MAN1C1: variants seen among roughly 807,000 people sequenced by gnomAD.
The protein encoded by MAN1C1 is mannosidase alpha class 1C member 1, also known as mannosyl-oligosaccharide 1,2-alpha-mannosidase IC.
MAN1C1 carries 49 observed loss-of-function variants against 71.5 expected under a neutral mutation model. The ratio of observed to expected loss-of-function variants is 0.69; its 90% confidence interval spans 0.54 to 0.87. The LOEUF (loss-of-function observed/expected upper bound fraction) is 0.87. Among genes scored for constraint, MAN1C1 ranks in the 40% least tolerant of loss-of-function variants. The pLI is 0.00. For synonymous variants in MAN1C1, 352 were observed against 343.7 expected (o/e 1.02, Z -0.27); for missense variants, 743 against 835.0 (o/e 0.89, Z 1.36).
At chr1:25,645,715 T>C (rs570557961) in intron 1 of MAN1C1, 10 of 152,232 alleles carry the variant, frequency 6.6e-5, no homozygotes, top group Non-Finnish European at 1.3e-4. Flanking sequence ...GCAAAGTTCC[T>C]GCTGAAACTG....
chr1:25,759,112 C>T (rs2047328068), intron 6 of MAN1C1: 1 of 204,144 alleles, frequency 4.9e-6, no homozygotes, highest in Non-Finnish European at 1.0e-5. Context: ...TTAGCTTTTC[C>T]ATGTGAGATC....
At chr1:25,737,287 C>T (rs1319800143) in intron 2 of MAN1C1, among the ~76,000 whole-genome samples, 1 of 152,254 alleles carries the variant, frequency 6.6e-6, no homozygotes, top group African/African-American at 2.4e-5. Context: ...CAGCCATTGG[C>T]TGCAGTAATC....
Position 25,782,342 on chromosome 1 carries a change from C to T in MAN1C1, c.1651-243C>T, listed in dbSNP as rs982227616. Among the ~76,000 whole-genome samples the T allele has an allele frequency of 6.6e-6, 1 of 152,124 alleles. No homozygotes were observed. Among genetic ancestry groups the T allele is most frequent in the Non-Finnish European group, 1.5e-5 (1 of 68,022 alleles). ...GAAGAGCTCAGGACAGGCAGCCCAT[C>T]GGGCCAGAGCTCTCAGAGGTGTGGG... On this transcript the variant is annotated intron_variant, in intron 10 of 11. Transcript: ENST00000374332. The surrounding 1 kb of genome is among the most constrained non-coding windows in gnomAD (Gnocchi z 4.4).
rs145344111 is a variant in MAN1C1 at position 25,717,029 on chromosome 1, G to A, written c.638-29639G>A. Among the ~76,000 whole-genome samples, 20 of 152,210 alleles carry A rather than the reference G, an allele frequency of 1.3e-4. No homozygotes were observed. The East Asian group carries it at 2.3e-3, about 18-fold the overall frequency. On this transcript the variant is annotated intron_variant, in intron 2 of 11. Transcript: ENST00000374332. The stretch of plus-strand genomic sequence containing the variant: ...CCTGTGTATTGTCGAGTAGTATTCC[G>A]TCATATGGATATGCTATGGTTTATT...
chr1:25,707,378 G>T (rs2046538561), intron 2 of MAN1C1, among the ~76,000 whole-genome samples: 1 of 152,230 alleles, frequency 6.6e-6, no homozygotes, highest in African/African-American at 2.4e-5. Flanking sequence ...AGGGAGGAAG[G>T]CAATCAATAC....
chr1:25,750,588 A>G (rs2047200876), intron 4 of MAN1C1, among the ~76,000 whole-genome samples: 1 of 152,232 alleles, frequency 6.6e-6, no homozygotes, highest in African/African-American at 2.4e-5. Flanking sequence ...GCTGAAGTCA[A>G]GGGTTTCGAA....
At chr1:25,783,131 C>CTGTT (rs1277970957) in intron 11 of MAN1C1, among the ~76,000 whole-genome samples, 2 of 152,198 alleles carry the variant, frequency 1.3e-5, no homozygotes, top group Non-Finnish European at 2.9e-5. Flanking sequence ...GGCCATCCCA[C>CTGTT]TTCCTCACTG....
rs747821717 is a variant in MAN1C1 at position 25,746,775 on chromosome 1, C to G, written c.745C>G (p.Leu249Val). 1.8e-5 allele frequency: 28 copies of G among 1,586,978 alleles called. No homozygotes were observed. Among genetic ancestry groups the G allele is most frequent in the Non-Finnish European group, 2.2e-5 (26 of 1,161,042 alleles). ...AKAWVGESFH[L>V]NVSGEASLFE... Reference sequence around the variant, plus strand: ...GGCCTGGGTGGGAGAGAGCTTCCACCTGAACGTGGTGAGTCAGAGGCCCTC... The same window carrying G: ...GGCCTGGGTGGGAGAGAGCTTCCACGTGAACGTGGTGAGTCAGAGGCCCTC... Residue 249 changes from leucine (L) to valine (V), a missense_variant, in exon 3 of 12, where the codon CTG becomes GTG. Coordinates refer to ENST00000374332, the MANE Select transcript of MAN1C1 (RefSeq NM_020379.4). The surrounding 1 kb of genome is among the most constrained non-coding windows in gnomAD (Gnocchi z 4.0).
Position 25,746,648 on chromosome 1 carries a change from T to C in MAN1C1, c.638-20T>C. The C allele has an allele frequency of 3.2e-6, 5 of 1,577,578 alleles. No individual in the cohort carries two copies. The highest frequency in any genetic ancestry group is 4.4e-6 in the Non-Finnish European group (5 of 1,147,550). On this transcript the variant is annotated intron_variant, in intron 2 of 11. Transcript: ENST00000374332. This position sits in a 1 kb window ranked among gnomAD's most constrained non-coding sequence, Gnocchi z 4.0. ...AGAAAGATGGCCCTGGGTCACACCC[T>C]CAATGCTCTGTGCCTGCAGGAGGCC...
Position 25,778,028 on chromosome 1 carries a change from C to A in MAN1C1, c.1258-77C>A. 2 of 1,163,822 alleles carry A rather than the reference C, an allele frequency of 1.7e-6. No individual in the cohort carries two copies. The highest frequency in any genetic ancestry group is 1.6e-5 in the South Asian group (1 of 62,910). 72.1% of individuals were successfully genotyped at this position (1,163,822 alleles called of 1,614,324 possible). A position where few individuals can be genotyped will look rare whatever the true frequency, so the allele number is the denominator to read the frequency against. On this transcript the variant is annotated intron_variant, in intron 8 of 11. Coordinates refer to ENST00000374332, the MANE Select transcript of MAN1C1 (RefSeq NM_020379.4). This position sits in a 1 kb window ranked among gnomAD's most constrained non-coding sequence, Gnocchi z 5.5. ...CCCTTGCTACTGTCTCCAAAATGTT[C>A]ATTTTCCATCCTTTCCCCCCCTTCT...
At chr1:25,641,708 C>A (rs987077960) in intron 1 of MAN1C1, among the ~76,000 whole-genome samples, 1 of 152,166 alleles carries the variant, frequency 6.6e-6, no homozygotes, top group Non-Finnish European at 1.5e-5. Flanking sequence ...TATCTCTTTT[C>A]TGGCTGTAGT....
chr1:25,661,757 G>C (rs973164810), intron 1 of MAN1C1, among the ~76,000 whole-genome samples: 1 of 152,190 alleles, frequency 6.6e-6, no homozygotes, highest in Non-Finnish European at 1.5e-5. Context: ...CTGTGTGTGG[G>C]GTTGAAGGGA....
chr1:25,693,936 T>G (rs1439546179), intron 2 of MAN1C1, among the ~76,000 whole-genome samples: 2 of 152,228 alleles, frequency 1.3e-5, no homozygotes, highest in African/African-American at 4.8e-5. Context: ...ACACCTGGTG[T>G]ATAGTACCTG....
intron 2 of MAN1C1, among the ~76,000 whole-genome samples, chr1:25,715,217 T>C (rs2046664835): frequency 6.6e-6 from 1 of 152,132 alleles, no homozygotes; most frequent in South Asian, 2.1e-4. Context: ...TGAGCTTTAA[T>C]TGGGCCCATG....
intron 2 of MAN1C1, among the ~76,000 whole-genome samples, chr1:25,704,528 C>G (rs2046492435): frequency 6.6e-6 from 1 of 152,232 alleles, no homozygotes; most frequent in Non-Finnish European, 1.5e-5. Flanking sequence ...CTAGAGAATC[C>G]CTGATGGCTG....
chr1:25,684,900 A>G (rs1465400370), intron 1 of MAN1C1, among the ~76,000 whole-genome samples: 1 of 152,230 alleles, frequency 6.6e-6, no homozygotes, highest in African/African-American at 2.4e-5. Flanking sequence ...GCAGCAGCAC[A>G]GGGGAACTGG....
chr1:25,730,818 T>G lies in MAN1C1; in HGVS notation c.638-15850T>G, dbSNP rs2744768. 0.23 allele frequency among the ~76,000 whole-genome samples: 35,652 copies of G among 152,106 alleles called. 7,250 individuals carry two copies. Among genetic ancestry groups the G allele is most frequent in the African/African-American group, 0.55 (22,648 of 41,428 alleles). On this transcript the variant is annotated intron_variant, in intron 2 of 11. Coordinates refer to ENST00000374332, the MANE Select transcript of MAN1C1 (RefSeq NM_020379.4). This position sits in a 1 kb window ranked among gnomAD's most constrained non-coding sequence, Gnocchi z 4.3. ...TTTTCACTCTCCTGCCAGACTCTGT[T>G]CATGGAGTCCTGCACCCTTCACCTG... is the stretch of plus-strand genomic sequence containing the variant.
At chr1:25,774,500 G>A (rs1319590358) in intron 8 of MAN1C1, among the ~76,000 whole-genome samples, 2 of 152,170 alleles carry the variant, frequency 1.3e-5, no homozygotes, top group Non-Finnish European at 2.9e-5. Context: ...TCACAGAGGG[G>A]CCTGGCTTGC....
chr1:25,744,105 T>C (rs2047096261), intron 2 of MAN1C1, among the ~76,000 whole-genome samples: 2 of 151,990 alleles, frequency 1.3e-5, no homozygotes, highest in South Asian at 4.2e-4. Context: ...CCTTCAAACG[T>C]CTGGTTTGAG....
Sources: gnomAD v4.1 joint callset for allele counts (sites outside exome capture counted in the v4.1 genomes callset) on GRCh38, gnomAD v4.1.1 for gene constraint, Gnocchi (gnomAD v3.1) non-coding constraint, MANE v1.5 for transcripts, NCBI Gene and HGNC (gene_info 2026-07-23, HGNC 2026-07-21) for gene names.